LRRK1: variants seen among roughly 807,000 people sequenced by gnomAD.
The protein encoded by LRRK1 is leucine-rich repeat serine/threonine-protein kinase 1.
LRRK1 carries 113 observed loss-of-function variants against 209.1 expected under a neutral mutation model. That is an observed-to-expected ratio of 0.54 (90% CI 0.46 to 0.63). The LOEUF is 0.63. LRRK1 is among the 30% of genes least tolerant of loss of function. The pLI, the probability that LRRK1 is intolerant of heterozygous loss-of-function variation, is 0.00. For missense variants in LRRK1, 2,284 were observed against 2,632.2 expected (o/e 0.87, Z 2.89); for synonymous variants, 1,144 against 1,099.7 (o/e 1.04, Z -0.80).
chr15:100,940,524 C>T (rs559850484), intron 2 of LRRK1, among the ~76,000 whole-genome samples: 48 of 152,272 alleles, frequency 3.2e-4, no homozygotes, highest in South Asian at 1.0e-3. Flanking sequence ...TGTCCTTCAA[C>T]GGTGTCTCTG....
At chr15:100,981,086 G>T (rs1399024178) in intron 3 of LRRK1, among the ~76,000 whole-genome samples, 1 of 152,226 alleles carries the variant, frequency 6.6e-6, no homozygotes, top group Non-Finnish European at 1.5e-5. Flanking sequence ...GGGAGGTAAA[G>T]GCATAGAGAG....
At chr15:100,968,305 G>T (rs753687176) in intron 2 of LRRK1, among the ~76,000 whole-genome samples, 2 of 152,080 alleles carry the variant, frequency 1.3e-5, no homozygotes, top group Admixed American at 6.5e-5. Context: ...TAAGGCTGCT[G>T]TGAATATTGT....
chr15:100,983,070 G>C (rs2031691111), intron 3 of LRRK1, among the ~76,000 whole-genome samples: 1 of 152,208 alleles, frequency 6.6e-6, no homozygotes, highest in Non-Finnish European at 1.5e-5. Context: ...AGCTACGCAG[G>C]AAGCTGAGGC....
In LRRK1 at chr15:101,024,791, T is replaced by C; in HGVS notation, c.2068-12T>C. On this transcript the variant is annotated splice_polypyrimidine_tract_variant and intron_variant, in intron 15 of 33. Coordinates refer to ENST00000388948, the MANE Select transcript of LRRK1 (RefSeq NM_024652.6). The surrounding 1 kb of genome is among the most constrained non-coding windows in gnomAD (Gnocchi z 4.6). ...AAAATGCCTCCCTGTCGCTGCCTTG[T>C]TGCTCAAGTAGGTTGAGTCCGTGGA... 6.2e-7 allele frequency: 1 copy of C among 1,605,722 alleles called. No individual in the cohort carries two copies. The highest frequency in any genetic ancestry group is 1.3e-5 in the African/African-American group (1 of 74,908).
intron 2 of LRRK1, among the ~76,000 whole-genome samples, chr15:100,928,451 C>T (rs2042151720): frequency 6.6e-6 from 1 of 152,202 alleles, no homozygotes; most frequent in South Asian, 2.1e-4. Context: ...CCACCAGCCT[C>T]ACTCAGGGAA....
chr15:101,028,838 T>C, intron 19 of LRRK1, 118 bp from the exon 20 acceptor site: 1 of 1,064,280 alleles, frequency 9.4e-7, no homozygotes, highest in Non-Finnish European at 1.4e-6. Context: ...ATGTGGGACA[T>C]GTTGGTTTCT....
chr15:101,037,443 G>A (rs2034537185), intron 20 of LRRK1, among the ~76,000 whole-genome samples: 1 of 152,146 alleles, frequency 6.6e-6, no homozygotes, highest in Non-Finnish European at 1.5e-5. Context: ...GGGGCCAGGG[G>A]ACATGAAGCC....
At chr15:100,951,674 G>T (rs910668376) in intron 2 of LRRK1, among the ~76,000 whole-genome samples, 1 of 152,018 alleles carries the variant, frequency 6.6e-6, no homozygotes, top group Non-Finnish European at 1.5e-5. Context: ...TAATAAGGCC[G>T]GGCATAGTGG....
chr15:100,991,336 A>T (rs1306327202), intron 6 of LRRK1, among the ~76,000 whole-genome samples: 1 of 151,806 alleles, frequency 6.6e-6, no homozygotes, highest in Non-Finnish European at 1.5e-5. Context: ...TTGTTCTTCT[A>T]TTTTGCTCAT....
intron 20 of LRRK1, among the ~76,000 whole-genome samples, 180 bp downstream of exon 20, chr15:101,029,412 A>T (rs1287703270): frequency 6.0e-5 from 9 of 151,074 alleles, no homozygotes; most frequent in Admixed American, 1.3e-4. Context: ...CAGGACAGTG[A>T]GCACGGCTGG....
chr15:100,951,768 A>G (rs989583122), intron 2 of LRRK1, among the ~76,000 whole-genome samples: 19 of 152,194 alleles, frequency 1.2e-4, no homozygotes, highest in African/African-American at 4.1e-4. Flanking sequence ...CCTGGCCAAC[A>G]TGGTGAAATC....
chr15:100,934,210 T>C (rs1275649131), intron 2 of LRRK1, among the ~76,000 whole-genome samples: 3 of 152,220 alleles, frequency 2.0e-5, no homozygotes, highest in South Asian at 2.1e-4. Context: ...AGAATGTCTA[T>C]AAATTACATA....
chr15:100,984,184 G>A (rs1047454239), intron 4 of LRRK1, among the ~76,000 whole-genome samples: 8 of 151,770 alleles, frequency 5.3e-5, no homozygotes, highest in Non-Finnish European at 1.0e-4. Flanking sequence ...CAGAACCATG[G>A]TTTTAAGATG....
intron 2 of LRRK1, among the ~76,000 whole-genome samples, chr15:100,962,606 T>C (rs2030069343): frequency 6.6e-6 from 1 of 151,258 alleles, no homozygotes; most frequent in Non-Finnish European, 1.5e-5. Flanking sequence ...AATTTTTGTG[T>C]GTCCTTTAGA....
intron 2 of LRRK1, among the ~76,000 whole-genome samples, chr15:100,947,601 C>T (rs953814151): frequency 1.3e-5 from 2 of 152,116 alleles, no homozygotes; most frequent in African/African-American, 4.8e-5. Context: ...CTGAGTATAT[C>T]CTCTGCTCCT....
chr15:101,061,419 C>G (rs1400621628), intron 30 of LRRK1, 131 bp downstream of exon 30: 18 of 632,636 alleles, frequency 2.8e-5, no homozygotes, highest in Admixed American at 1.3e-4. Flanking sequence ...CCAGCGCATC[C>G]CCGTGCAGTC....
rs143097337 is a variant in LRRK1 at position 101,061,987 on chromosome 15, T to A, written c.4798-587T>A. On this transcript the variant is annotated intron_variant, in intron 30 of 33. Coordinates refer to ENST00000388948, the MANE Select transcript of LRRK1 (RefSeq NM_024652.6). ...CGCACCATTGCACTCCAGCCTTGCGTACCACTTAAGCCTCAGAAATCTCAG... is the reference window on the plus strand; with the variant it reads ...CGCACCATTGCACTCCAGCCTTGCGAACCACTTAAGCCTCAGAAATCTCAG... 6.6e-3 allele frequency among the ~76,000 whole-genome samples: 1,009 copies of A among 152,340 alleles called. 10 individuals are homozygous for A. The highest frequency in any genetic ancestry group is 0.023 in the African/African-American group (966 of 41,578).
At chr15:101,065,234 C>A in intron 31 of LRRK1, 118 bp from the exon 32 acceptor site, 1 of 1,250,404 alleles carries the variant, frequency 8.0e-7, no homozygotes, top group Non-Finnish European at 1.1e-6. Flanking sequence ...CTGAGGCGCA[C>A]TGGTGGAAAG....
At chr15:101,033,035 C>T (rs2034349495) in intron 20 of LRRK1, among the ~76,000 whole-genome samples, 1 of 152,158 alleles carries the variant, frequency 6.6e-6, no homozygotes, top group Admixed American at 6.5e-5. Flanking sequence ...TTCCCTGGTC[C>T]AAAGTCAAGG....
Sources: gnomAD v4.1 joint callset for allele counts (sites outside exome capture counted in the v4.1 genomes callset) on GRCh38, gnomAD v4.1.1 for gene constraint, Gnocchi (gnomAD v3.1) non-coding constraint, MANE v1.5 for transcripts, NCBI Gene and HGNC (gene_info 2026-07-23, HGNC 2026-07-21) for gene names.